SHROOM4: variants seen among roughly 807,000 people sequenced by gnomAD.
The protein encoded by SHROOM4 is shroom family member 4.
In SHROOM4, 17 loss-of-function variants were observed where a neutral mutation model predicts 80.3. The observed-to-expected ratio is 0.21, with a 90% CI of 0.14 to 0.32. The LOEUF (loss-of-function observed/expected upper bound fraction) is 0.32. SHROOM4 is among the 10% of genes least tolerant of loss of function. SHROOM4 has a pLI of 1.00. For synonymous variants in SHROOM4, 400 were observed against 437.5 expected (o/e 0.91, Z 1.07); for missense variants, 993 against 1,140.3 (o/e 0.87, Z 1.86).
At chrX:50,739,247 A>C (rs1374856035) in intron 1 of SHROOM4, among the ~76,000 whole-genome samples, 3 of 110,519 alleles carry the variant, frequency 2.7e-5, no homozygotes, top group African/African-American at 9.9e-5. Context: ...AACCTAGGCA[A>C]TACCATTCAG....
At chrX:50,649,003 C>G (rs1453722508) in intron 2 of SHROOM4, among the ~76,000 whole-genome samples, 1 of 111,371 alleles carries the variant, frequency 9.0e-6, no homozygotes, top group Non-Finnish European at 1.9e-5. Flanking sequence ...AGTGAGTAAG[C>G]TAATGGAATA....
chrX:50,797,389 A>G (rs1327733185), intron 1 of SHROOM4, among the ~76,000 whole-genome samples: 1 of 112,041 alleles, frequency 8.9e-6, no homozygotes, highest in African/African-American at 3.2e-5. Flanking sequence ...TAGGATATGT[A>G]AGTGAAAAAA....
intron 1 of SHROOM4, among the ~76,000 whole-genome samples, chrX:50,813,473 T>C (rs1936392111): frequency 8.9e-6 from 1 of 112,041 alleles, no homozygotes; most frequent in Non-Finnish European, 1.9e-5. Flanking sequence ...CGCCGGTCGA[T>C]AGAGGGGACA....
Position 50,633,428 on chromosome X carries a change from T to C in SHROOM4, c.2645A>G (p.Tyr882Cys), listed in dbSNP as rs782427045. The change falls in exon 4 of 9, where the codon TAC becomes TGC. Residue 882 changes from tyrosine to cysteine, a missense_variant. Tyr to Cys is a radical substitution (Grantham distance 194). Coordinates refer to ENST00000376020, the MANE Select transcript of SHROOM4 (RefSeq NM_020717.5). The stretch of plus-strand genomic sequence containing the variant: ...GCAGGAGTAAGAGCAGGTCCTGTGG[T>C]AATCAAAATCACCACAGTGTAGTGG... Reference protein sequence around the residue: ...CKPLHCGDFDYHRTCSYSCSV... With the variant: ...CKPLHCGDFDCHRTCSYSCSV... The C allele has an allele frequency of 4.9e-6, 6 of 1,212,198 alleles. No individual in the cohort carries two copies. Among genetic ancestry groups the C allele is most frequent in the Non-Finnish European group, 5.6e-6 (5 of 895,574 alleles).
intron 1 of SHROOM4, among the ~76,000 whole-genome samples, chrX:50,699,542 T>C (rs1477623970): frequency 4.4e-5 from 5 of 112,366 alleles, no homozygotes; most frequent in African/African-American, 9.7e-5. Flanking sequence ...TCCTTCAAAA[T>C]TGACTAATTA....
intron 2 of SHROOM4, among the ~76,000 whole-genome samples, chrX:50,644,701 G>A (rs1189163750): frequency 8.9e-6 from 1 of 112,433 alleles, no homozygotes; most frequent in African/African-American, 3.2e-5. Flanking sequence ...TTTCCTCTCT[G>A]GGGAAATCAT....
intron 5 of SHROOM4, among the ~76,000 whole-genome samples, chrX:50,614,756 AGATATCCATAAG>A (rs1557250473): frequency 8.9e-6 from 1 of 112,147 alleles, no homozygotes; most frequent in Admixed American, 9.4e-5. Flanking sequence ...GAACACAAAG[AGATATCCATAAG>A]GATATTCACT....
Position 50,587,660 on chromosome X carries a change from G to C in SHROOM4, c.*9035C>G, listed in dbSNP as rs185646892. 6.9e-4 allele frequency among the ~76,000 whole-genome samples: 77 copies of C among 111,918 alleles called. No individual in the cohort carries two copies. The highest frequency in any genetic ancestry group is 2.3e-3 in the African/African-American group (71 of 30,845). ...TATACTTATCTATCTCTTTCATTAGGATAAAAGCCCCACGAGAGTGGGGAC... is the reference window on the plus strand; with the variant it reads ...TATACTTATCTATCTCTTTCATTAGCATAAAAGCCCCACGAGAGTGGGGAC... On this transcript the variant is annotated 3_prime_UTR_variant, in exon 9 of 9. Transcript: ENST00000376020.
At chrX:50,651,370 A>C (rs1557258734) in intron 2 of SHROOM4, among the ~76,000 whole-genome samples, 3 of 112,026 alleles carry the variant, frequency 2.7e-5, no homozygotes. Flanking sequence ...GAAGAAACTC[A>C]GGCTTAGGGA....
chrX:50,672,403 G>A (rs1557260902), intron 2 of SHROOM4, among the ~76,000 whole-genome samples: 1 of 111,555 alleles, frequency 9.0e-6, no homozygotes. Context: ...ATAAAATGAG[G>A]TATGCCTGTA....
At chrX:50,723,651 C>A (rs1557265659) in intron 1 of SHROOM4, among the ~76,000 whole-genome samples, 1 of 111,482 alleles carries the variant, frequency 9.0e-6, no homozygotes, top group Admixed American at 9.5e-5. Flanking sequence ...TACAGTCAGT[C>A]CATGTTCCTT....
intron 4 of SHROOM4, among the ~76,000 whole-genome samples, chrX:50,628,126 G>C (rs1930885880): frequency 9.0e-6 from 1 of 111,525 alleles, no homozygotes; most frequent in Admixed American, 9.5e-5. Context: ...GGGCTTTGAG[G>C]GCAGAAGCTC....
the SHROOM4 span, among the ~76,000 whole-genome samples, chrX:50,575,824 T>C: frequency 1.8e-5 from 2 of 112,268 alleles, no homozygotes; most frequent in Non-Finnish European, 3.8e-5. Context: ...TGTATAGTTA[T>C]GAAACCATCA....
chrX:50,605,371 T>C (rs1334197601), intron 6 of SHROOM4, among the ~76,000 whole-genome samples: 1 of 112,653 alleles, frequency 8.9e-6, no homozygotes, highest in Non-Finnish European at 1.9e-5. Flanking sequence ...AATGATGCTG[T>C]TCCTTAAATC....
At chrX:50,757,009 TATC>T (rs1935052398) in intron 1 of SHROOM4, among the ~76,000 whole-genome samples, 3 of 111,797 alleles carry the variant, frequency 2.7e-5, no homozygotes, top group African/African-American at 6.5e-5. Context: ...ACATCCAGCT[TATC>T]ATGTTTTTAT....
intron 2 of SHROOM4, among the ~76,000 whole-genome samples, chrX:50,688,775 A>G (rs1933147006): frequency 9.1e-6 from 1 of 110,377 alleles, no homozygotes; most frequent in African/African-American, 3.3e-5. Context: ...ACACTCTATG[A>G]CACATAGGAA....
At chrX:50,772,522 G>A (rs868944847) in intron 1 of SHROOM4, among the ~76,000 whole-genome samples, 6 of 111,021 alleles carry the variant, frequency 5.4e-5, no homozygotes, top group Admixed American at 1.9e-4. Context: ...CTCTTCTAGG[G>A]CCCTTTCTCC....
intron 1 of SHROOM4, among the ~76,000 whole-genome samples, chrX:50,796,806 G>C (rs1557272156): frequency 2.7e-5 from 3 of 110,410 alleles, no homozygotes; most frequent in African/African-American, 9.9e-5. Context: ...ACAGAATGTG[G>C]GATATGGGAT....
intron 1 of SHROOM4, among the ~76,000 whole-genome samples, chrX:50,799,102 CTA>C (rs1936070131): frequency 8.9e-6 from 1 of 112,381 alleles, no homozygotes; most frequent in African/African-American, 3.2e-5. Flanking sequence ...TTCCCACACT[CTA>C]TGAGCCTGCT....
Sources: gnomAD v4.1 joint callset for allele counts (sites outside exome capture counted in the v4.1 genomes callset) on GRCh38, gnomAD v4.1.1 for gene constraint, MANE v1.5 for transcripts, NCBI Gene and HGNC (gene_info 2026-07-23, HGNC 2026-07-21) for gene names.